NTRK2: variants seen among roughly 807,000 people sequenced by gnomAD.
NTRK2 encodes neurotrophic receptor tyrosine kinase 2.
NTRK2 carries 13 observed loss-of-function variants against 94.5 expected under a neutral mutation model. The ratio of observed to expected loss-of-function variants is 0.14; its 90% confidence interval spans 0.09 to 0.22. The LOEUF is 0.22. Ranked by LOEUF, NTRK2 falls within the 10% of genes least tolerant of loss-of-function variation. The probability of loss-of-function intolerance (pLI) is 1.00; values close to 1 mark genes in which losing one functional copy is unlikely to be tolerated. For missense variants in NTRK2, 639 were observed against 1,071.2 expected (o/e 0.60, Z 5.63); for synonymous variants, 372 against 407.4 (o/e 0.91, Z 1.05).
In NTRK2 at chr9:85,021,478, A is replaced by G. The variant is rs2118025693; in HGVS notation, c.*41A>G. 5 of 1,596,728 alleles carry G rather than the reference A, an allele frequency of 3.1e-6. No homozygotes were observed. The highest frequency in any genetic ancestry group is 3.4e-6 in the Non-Finnish European group (4 of 1,164,368). Reference sequence around the variant, plus strand: ...ACCGATCCTTCCCAACGTACTCCTCAGACGGGCTGAGAGGATGAACATCTT... The same window carrying G: ...ACCGATCCTTCCCAACGTACTCCTCGGACGGGCTGAGAGGATGAACATCTT... On this transcript the variant is annotated 3_prime_UTR_variant, in exon 19 of 19. Transcript: ENST00000277120.
intron 17 of NTRK2, among the ~76,000 whole-genome samples, chr9:85,008,294 A>T (rs1389726514): frequency 2.0e-5 from 3 of 151,986 alleles, no homozygotes; most frequent in Admixed American, 6.6e-5. Context: ...GAGGGCAGGA[A>T]CTCTATCTAA....
At chr9:84,685,649 C>G (rs1209261987) in intron 2 of NTRK2, among the ~76,000 whole-genome samples, 1 of 152,180 alleles carries the variant, frequency 6.6e-6, no homozygotes, top group Non-Finnish European at 1.5e-5. Context: ...GATACAGCCA[C>G]TCTGAGTTTT....
At chr9:84,841,189 C>T (rs1047030407) in intron 12 of NTRK2, among the ~76,000 whole-genome samples, 3 of 152,278 alleles carry the variant, frequency 2.0e-5, no homozygotes, top group Non-Finnish European at 2.9e-5. Flanking sequence ...ACCTGTCTTC[C>T]GAACTGTAGG....
chr9:84,798,912 C>CCATATATATATATATATATA (rs376082856), intron 12 of NTRK2, among the ~76,000 whole-genome samples: 3 of 128,036 alleles, frequency 2.3e-5, no homozygotes, highest in African/African-American at 9.4e-5. Context: ...CTTCTAAGTG[C>CCATATATATATATATATATA]TATATATATA....
rs574494199 is a variant in NTRK2, at chr9:84,839,762, G to A, written c.1397-21278G>A. On this transcript the variant is annotated intron_variant, in intron 12 of 18. Coordinates refer to ENST00000277120, the MANE Select transcript of NTRK2 (RefSeq NM_006180.6). ...TTTGCTGCCCGGGAGCTATGCTGCCGCCTTCTCCCTAATCCCTGCAAACAG... is the reference window on the plus strand; with the variant it reads ...TTTGCTGCCCGGGAGCTATGCTGCCACCTTCTCCCTAATCCCTGCAAACAG... Among the ~76,000 whole-genome samples the A allele has an allele frequency of 2.2e-4, 33 of 152,278 alleles. No individual in the cohort carries two copies. The East Asian group carries it at 4.3e-3, about 20-fold the overall frequency.
At chr9:84,854,699 C>A (rs1221665132) in intron 12 of NTRK2, among the ~76,000 whole-genome samples, 5 of 152,042 alleles carry the variant, frequency 3.3e-5, no homozygotes, top group Non-Finnish European at 5.9e-5. Flanking sequence ...GTAATCCCAG[C>A]ACTTTAAGAG....
chr9:84,791,944 G>A (rs942932591), intron 12 of NTRK2, among the ~76,000 whole-genome samples: 2 of 152,182 alleles, frequency 1.3e-5, no homozygotes, highest in Non-Finnish European at 2.9e-5. Context: ...GCTTGTCAAT[G>A]AGCAGACAGG....
At chr9:84,682,082 C>G (rs865911633) in intron 2 of NTRK2, among the ~76,000 whole-genome samples, 2 of 152,262 alleles carry the variant, frequency 1.3e-5, no homozygotes, top group Middle Eastern at 3.4e-3. Context: ...AATGGGAGAG[C>G]CTTCACAAAG....
chr9:84,770,195 A>AC (rs2066415222), intron 12 of NTRK2, among the ~76,000 whole-genome samples: 18 of 95,120 alleles, frequency 1.9e-4, no homozygotes, highest in African/African-American at 6.0e-4. Flanking sequence ...CACACACACA[A>AC]ACACACAGCT....
intron 12 of NTRK2, among the ~76,000 whole-genome samples, chr9:84,780,668 A>C (rs1013111164): frequency 1.2e-4 from 19 of 152,200 alleles, no homozygotes; most frequent in African/African-American, 4.3e-4. Context: ...TTCATATACT[A>C]ACATGGGTAC....
intron 17 of NTRK2, among the ~76,000 whole-genome samples, chr9:84,994,745 C>G (rs562649949): frequency 6.6e-6 from 1 of 152,298 alleles, no homozygotes; most frequent in East Asian, 1.9e-4. Flanking sequence ...CATGTATTTG[C>G]TGTCTCAAAA....
chr9:84,686,083 G>T (rs1350161575), intron 2 of NTRK2, among the ~76,000 whole-genome samples: 1 of 152,158 alleles, frequency 6.6e-6, no homozygotes, highest in Admixed American at 6.5e-5. Context: ...AAGAGTATTA[G>T]TTGGTCTCTG....
chr9:84,981,459 A>G (rs1827608932), intron 17 of NTRK2, among the ~76,000 whole-genome samples: 3 of 152,212 alleles, frequency 2.0e-5, no homozygotes, highest in South Asian at 4.2e-4. Context: ...TAATTCCTTA[A>G]AGTACATGTA....
At chr9:84,810,731 G>A in intron 12 of NTRK2, 1 of 1,534,590 alleles carries the variant, frequency 6.5e-7, no homozygotes, top group Non-Finnish European at 8.8e-7. Flanking sequence ...TTTGGAGGCT[G>A]TACTATATGA....
chr9:84,901,358 G>C (rs1342535945), intron 14 of NTRK2, among the ~76,000 whole-genome samples: 1 of 151,898 alleles, frequency 6.6e-6, no homozygotes, highest in Non-Finnish European at 1.5e-5. Context: ...GATTAGCTGG[G>C]ACTACAGGCA....
intron 14 of NTRK2, chr9:84,875,007 A>G: frequency 4.7e-6 from 5 of 1,057,082 alleles, no homozygotes; most frequent in Non-Finnish European, 5.7e-6. Context: ...TAGATTTAGT[A>G]GAAAACCTGG....
intron 6 of NTRK2, among the ~76,000 whole-genome samples, chr9:84,718,092 T>C (rs754085050): frequency 6.6e-6 from 1 of 151,964 alleles, no homozygotes; most frequent in Non-Finnish European, 1.5e-5. Flanking sequence ...TTTGTAATCT[T>C]GGATTTTTTT....
At chr9:84,849,020 A>G (rs1172630275) in intron 12 of NTRK2, among the ~76,000 whole-genome samples, 7 of 152,224 alleles carry the variant, frequency 4.6e-5, no homozygotes, top group Non-Finnish European at 1.5e-5. Flanking sequence ...CTACATATGT[A>G]CTTTCTTAGG....
chr9:84,945,810 C>T (rs1165276503), intron 15 of NTRK2, among the ~76,000 whole-genome samples: 2 of 152,212 alleles, frequency 1.3e-5, no homozygotes. Context: ...CTTGCTGACC[C>T]AAATTCACTC....
Sources: gnomAD v4.1 joint callset for allele counts (sites outside exome capture counted in the v4.1 genomes callset) on GRCh38, gnomAD v4.1.1 for gene constraint, MANE v1.5 for transcripts, NCBI Gene and HGNC (gene_info 2026-07-23, HGNC 2026-07-21) for gene names.